The following CCDC149 variants were observed in gnomAD, a reference collection of about 807,000 sequenced individuals.
CCDC149 encodes coiled-coil domain-containing protein 149.
Under a neutral mutation model 59.9 loss-of-function variants are expected in CCDC149, and 45 were observed. That is an observed-to-expected ratio of 0.75 (90% CI 0.59 to 0.96). CCDC149 has a LOEUF of 0.96. Among genes scored for constraint, CCDC149 ranks in the 40% least tolerant of loss-of-function variants. CCDC149 has a pLI of 0.00. For synonymous variants in CCDC149, 245 were observed against 260.6 expected, an observed-to-expected ratio of 0.94 and a Z score of 0.58; for missense variants, 584 against 664.7, an observed-to-expected ratio of 0.88 and a Z score of 1.33.
intron 1 of CCDC149, among the ~76,000 whole-genome samples, chr4:24,933,982 G>A (rs1357205718): frequency 6.6e-6 from 1 of 152,148 alleles, no homozygotes; most frequent in Non-Finnish European, 1.5e-5. Context: ...ATGCCTCAGG[G>A]CTCCTTCATG....
Position 24,968,943 on chromosome 4 carries a change from T to C in CCDC149, c.-65+11126A>G, listed in dbSNP as rs28806916. Among the ~76,000 whole-genome samples the C allele has an allele frequency of 4.6e-3, 696 of 152,324 alleles. 4 individuals are homozygous for C. The highest frequency in any genetic ancestry group is 0.016 in the African/African-American group (658 of 41,568). On this transcript the variant is annotated intron_variant, in intron 1 of 12. Transcript: ENST00000389609. ...TAACTATTTATCACGTGTCAGGCCA[T>C]ATTCCTTTGGCCACCACTGGCAATG...
chr4:24,956,689 G>A (rs943476655), intron 1 of CCDC149, among the ~76,000 whole-genome samples: 3 of 152,146 alleles, frequency 2.0e-5, no homozygotes, highest in Non-Finnish European at 2.9e-5. Flanking sequence ...AAATTTATAG[G>A]TGTTCAGTGG....
At chr4:24,891,444 G>A (rs533036737) in intron 1 of CCDC149, among the ~76,000 whole-genome samples, 2 of 152,302 alleles carry the variant, frequency 1.3e-5, no homozygotes, top group African/African-American at 4.8e-5. Context: ...TTCACTGGCT[G>A]CAGATCACCA....
chr4:24,895,834 C>G (rs1720817197), intron 1 of CCDC149, among the ~76,000 whole-genome samples: 1 of 152,212 alleles, frequency 6.6e-6, no homozygotes, highest in East Asian at 1.9e-4. Context: ...ATGACCTGAC[C>G]CCACTCTTGA....
intron 12 of CCDC149, among the ~76,000 whole-genome samples, chr4:24,814,487 G>A (rs569034485): frequency 1.5e-4 from 23 of 152,310 alleles, no homozygotes; most frequent in Admixed American, 2.6e-4. Context: ...GACAGAAACC[G>A]TCCCTAAAGC....
At chr4:24,851,779 G>A (rs34385471) in intron 4 of CCDC149, among the ~76,000 whole-genome samples, 73 of 152,182 alleles carry the variant, frequency 4.8e-4, no homozygotes, top group Non-Finnish European at 9.6e-4. Flanking sequence ...AAGTGAGTAA[G>A]AAGGTCTGTC....
intron 1 of CCDC149, among the ~76,000 whole-genome samples, chr4:24,946,022 C>T (rs577857926): frequency 5.6e-4 from 85 of 152,304 alleles, no homozygotes; most frequent in African/African-American, 2.0e-3. Flanking sequence ...GGCCAAGTAC[C>T]TCTCCATAGG....
At chr4:24,976,685 C>T (rs1037148921) in intron 1 of CCDC149, among the ~76,000 whole-genome samples, 1 of 152,142 alleles carries the variant, frequency 6.6e-6, no homozygotes, top group East Asian at 1.9e-4. Flanking sequence ...TGCACTCCAG[C>T]CATCTGGGCA....
intron 1 of CCDC149, among the ~76,000 whole-genome samples, chr4:24,905,802 A>G (rs1577473350): frequency 6.6e-6 from 1 of 152,282 alleles, no homozygotes; most frequent in Middle Eastern, 3.4e-3. Flanking sequence ...GACTACATTC[A>G]CAGCCTCTCT....
chr4:24,892,412 A>G (rs1381657053), intron 1 of CCDC149, among the ~76,000 whole-genome samples: 4 of 144,830 alleles, frequency 2.8e-5, no homozygotes, highest in African/African-American at 1.0e-4. Flanking sequence ...TACAGCTTAT[A>G]TTCATCATCA....
chr4:24,908,531 CA>C (rs5856870), intron 1 of CCDC149, among the ~76,000 whole-genome samples: 9,171 of 115,256 alleles, frequency 0.08, 625 homozygotes, highest in African/African-American at 0.22. Flanking sequence ...TCTATCTCTA[CA>C]AAAAAAAAAA....
chr4:24,850,962 A>G (rs1717619110), intron 4 of CCDC149, among the ~76,000 whole-genome samples: 1 of 150,904 alleles, frequency 6.6e-6, no homozygotes, highest in Non-Finnish European at 1.5e-5. Context: ...CTGCAGTTAG[A>G]CTTTTTTTTT....
At chr4:24,908,911 T>C (rs1400557378) in intron 1 of CCDC149, among the ~76,000 whole-genome samples, 1 of 152,232 alleles carries the variant, frequency 6.6e-6, no homozygotes, top group Non-Finnish European at 1.5e-5. Context: ...ATTTTTATCT[T>C]GGAAATAAAA....
intron 12 of CCDC149, among the ~76,000 whole-genome samples, chr4:24,817,396 T>A (rs973503373): frequency 2.0e-5 from 3 of 151,860 alleles, no homozygotes; most frequent in African/African-American, 7.3e-5. Context: ...AAAGTCAGGG[T>A]CTCTCTCTTG....
chr4:24,849,853 T>C (rs962235815), intron 4 of CCDC149, among the ~76,000 whole-genome samples: 1 of 152,230 alleles, frequency 6.6e-6, no homozygotes, highest in African/African-American at 2.4e-5. Flanking sequence ...GCCTCAGAGT[T>C]AGGCGTCCAA....
Position 24,939,797 on chromosome 4 carries a change from G to T in CCDC149, c.-65+40272C>A, listed in dbSNP as rs374523550. ...ATCAAGTGGAAGAAAGGGTATCAGC[G>T]ATGGAAGATGAAATGAATGAAACGA... On this transcript the variant is annotated intron_variant, in intron 1 of 12. Transcript: ENST00000389609. 5.3e-5 allele frequency among the ~76,000 whole-genome samples: 8 copies of T among 152,176 alleles called. No homozygotes were observed. In the South Asian group the frequency reaches 8.3e-4, roughly 16 times the overall value.
At chr4:24,939,041 G>C (rs1191187081) in intron 1 of CCDC149, among the ~76,000 whole-genome samples, 1 of 152,230 alleles carries the variant, frequency 6.6e-6, no homozygotes, top group African/African-American at 2.4e-5. Context: ...GCTTTGAAGA[G>C]AGTAGTGTTT....
rs753190091 is a variant in CCDC149, at chr4:24,835,026, G to C, written c.742C>G (p.Leu248Val). 1 of 1,613,100 alleles carries C rather than the reference G, an allele frequency of 6.2e-7. No individual in the cohort carries two copies. Among genetic ancestry groups the C allele is most frequent in the Non-Finnish European group, 8.5e-7 (1 of 1,179,176 alleles). ...CCCTTCGAGTTTTTCCGTCTCTCCA[G>C]AGCATTCTAAAACAGGATTGGGAGA... is the stretch of plus-strand genomic sequence containing the variant. Residue 248 changes from leucine (L) to valine (V), a missense_variant, in exon 8 of 13, where the codon CTG becomes GTG. Leu to Val is a conservative substitution (Grantham distance 32). Transcript: ENST00000635206.
intron 9 of CCDC149, 51 bp from the exon 10 acceptor site, chr4:24,822,624 C>A (rs1715484632): frequency 7.3e-7 from 1 of 1,365,050 alleles, no homozygotes; most frequent in South Asian, 1.4e-5. Context: ...CCTGTCAGCC[C>A]CCAGCCCTGG....
Sources: gnomAD v4.1 joint callset for allele counts (sites outside exome capture counted in the v4.1 genomes callset) on GRCh38, gnomAD v4.1.1 for gene constraint, MANE v1.5 for transcripts, NCBI Gene and HGNC (gene_info 2026-07-23, HGNC 2026-07-21) for gene names.